HS6ST3: variants seen among roughly 807,000 people sequenced by gnomAD.
The protein encoded by HS6ST3 is heparan-sulfate 6-O-sulfotransferase 3.
A neutral mutation model predicts 36.7 loss-of-function variants in HS6ST3; 12 were observed. The observed-to-expected ratio is 0.33, with a 90% CI of 0.21 to 0.53. HS6ST3 has a LOEUF of 0.53. HS6ST3 is among the 20% of genes least tolerant of loss of function. The pLI, the probability that HS6ST3 is intolerant of heterozygous loss-of-function variation, is 0.95. For synonymous variants in HS6ST3, 240 were observed against 257.5 expected, an observed-to-expected ratio of 0.93 and a Z score of 0.65; for missense variants, 584 against 640.9, an observed-to-expected ratio of 0.91 and a Z score of 0.96.
intron 1 of HS6ST3, among the ~76,000 whole-genome samples, chr13:96,567,422 A>G (rs1032089783): frequency 7.2e-5 from 11 of 152,198 alleles, no homozygotes; most frequent in African/African-American, 2.7e-4. Flanking sequence ...ACTTCCCATC[A>G]GCAACATTGG....
At chr13:96,104,950 G>C (rs902566703) in intron 1 of HS6ST3, among the ~76,000 whole-genome samples, 1 of 151,370 alleles carries the variant, frequency 6.6e-6, no homozygotes, top group Non-Finnish European at 1.5e-5. Context: ...CTAAAACAAA[G>C]CCTGGGTATC....
intron 1 of HS6ST3, among the ~76,000 whole-genome samples, chr13:96,624,782 G>A (rs2056506512): frequency 6.6e-6 from 1 of 152,136 alleles, no homozygotes; most frequent in Admixed American, 6.5e-5. Flanking sequence ...TGTGTGGTTG[G>A]TGTATTAATC....
At chr13:96,596,362 TTGA>T (rs1429557518) in intron 1 of HS6ST3, among the ~76,000 whole-genome samples, 1 of 152,202 alleles carries the variant, frequency 6.6e-6, no homozygotes, top group Non-Finnish European at 1.5e-5. Context: ...AACTCATCAG[TTGA>T]TGAGCAGTTA....
Position 96,521,418 on chromosome 13 carries a change from A to G in HS6ST3, c.708-311072A>G, listed in dbSNP as rs755190253. On this transcript the variant is annotated intron_variant, in intron 1 of 1. Coordinates refer to ENST00000376705, the MANE Select transcript of HS6ST3 (RefSeq NM_153456.4). ...TTCTATTGATTGGAATAGTTTCAGAAGGAATGGTACCAGCTCCTCTTTGTA... is the reference window on the plus strand; with the variant it reads ...TTCTATTGATTGGAATAGTTTCAGAGGGAATGGTACCAGCTCCTCTTTGTA... Among the ~76,000 whole-genome samples the G allele has an allele frequency of 5.8e-4, 89 of 152,358 alleles. No homozygotes were observed. The Middle Eastern group carries it at 0.02, about 35-fold the overall frequency.
At chr13:96,576,558 G>T (rs2056321930) in intron 1 of HS6ST3, among the ~76,000 whole-genome samples, 2 of 152,134 alleles carry the variant, frequency 1.3e-5, no homozygotes, top group African/African-American at 4.8e-5. Context: ...AAAAAATATT[G>T]CTAAACTTTC....
chr13:96,444,451 T>C (rs2055688708), intron 1 of HS6ST3, among the ~76,000 whole-genome samples: 1 of 152,228 alleles, frequency 6.6e-6, no homozygotes, highest in Non-Finnish European at 1.5e-5. Flanking sequence ...TTAATTAACA[T>C]TTACTTAAAC....
intron 1 of HS6ST3, among the ~76,000 whole-genome samples, chr13:96,169,214 A>C (rs1263872226): frequency 6.6e-6 from 1 of 152,038 alleles, no homozygotes; most frequent in African/African-American, 2.4e-5. Context: ...ACTGAGGGTC[A>C]GAGAAATGGG....
intron 1 of HS6ST3, among the ~76,000 whole-genome samples, chr13:96,593,499 T>C (rs1332923393): frequency 6.6e-6 from 1 of 151,560 alleles, no homozygotes; most frequent in Non-Finnish European, 1.5e-5. Flanking sequence ...CCCAGCCAAC[T>C]GTGTATTTTC....
At chr13:96,232,585 C>T (rs1413330588) in intron 1 of HS6ST3, among the ~76,000 whole-genome samples, 4 of 152,010 alleles carry the variant, frequency 2.6e-5, no homozygotes, top group African/African-American at 9.7e-5. Flanking sequence ...CTGAGATAAG[C>T]TTGAAAAATC....
At chr13:96,487,847 T>C (rs1330589898) in intron 1 of HS6ST3, among the ~76,000 whole-genome samples, 1 of 152,166 alleles carries the variant, frequency 6.6e-6, no homozygotes, top group Non-Finnish European at 1.5e-5. Context: ...ACATTGATAA[T>C]GTAATGCATA....
chr13:96,733,535 G>T (rs1250402327), intron 1 of HS6ST3, among the ~76,000 whole-genome samples: 1 of 152,166 alleles, frequency 6.6e-6, no homozygotes, highest in African/African-American at 2.4e-5. Context: ...TCTTATTCCA[G>T]GTAGTGTTAT....
intron 1 of HS6ST3, among the ~76,000 whole-genome samples, chr13:96,511,700 G>A (rs1243233764): frequency 6.6e-6 from 1 of 151,476 alleles, no homozygotes; most frequent in African/African-American, 2.4e-5. Context: ...TTTGCACTTG[G>A]TGTCCTTAGG....
chr13:96,748,250 T>C (rs969494591), intron 1 of HS6ST3, among the ~76,000 whole-genome samples: 1 of 151,972 alleles, frequency 6.6e-6, no homozygotes, highest in Non-Finnish European at 1.5e-5. Context: ...TCTGCTTGGA[T>C]CCTGTGCCCT....
chr13:96,217,795 C>T (rs1407109373), intron 1 of HS6ST3, among the ~76,000 whole-genome samples: 1 of 151,964 alleles, frequency 6.6e-6, no homozygotes, highest in Non-Finnish European at 1.5e-5. Flanking sequence ...CATGCATATG[C>T]ATATACATGT....
chr13:96,282,108 C>G (rs1358670303), intron 1 of HS6ST3, among the ~76,000 whole-genome samples: 1 of 152,174 alleles, frequency 6.6e-6, no homozygotes, highest in Non-Finnish European at 1.5e-5. Context: ...GCCTTCACAT[C>G]TAATGTACCT....
At chr13:96,611,718 A>G (rs1272601660) in intron 1 of HS6ST3, among the ~76,000 whole-genome samples, 3 of 152,218 alleles carry the variant, frequency 2.0e-5, no homozygotes, top group Non-Finnish European at 4.4e-5. Flanking sequence ...AATGCATTCC[A>G]GGAAAAGGAA....
At chr13:96,768,633 A>G (rs763406225) in intron 1 of HS6ST3, among the ~76,000 whole-genome samples, 2 of 151,816 alleles carry the variant, frequency 1.3e-5, no homozygotes, top group Non-Finnish European at 2.9e-5. Context: ...GGAGAAACAG[A>G]CTCTTCACAC....
intron 1 of HS6ST3, among the ~76,000 whole-genome samples, chr13:96,293,974 G>A (rs1174887053): frequency 6.6e-6 from 1 of 152,084 alleles, no homozygotes; most frequent in African/African-American, 2.4e-5. Context: ...TCTTTAAATT[G>A]TAATTTAAGA....
chr13:96,177,037 C>T (rs985831160), intron 1 of HS6ST3, among the ~76,000 whole-genome samples: 2 of 152,152 alleles, frequency 1.3e-5, no homozygotes, highest in Admixed American at 6.5e-5. Flanking sequence ...TATCACTGAT[C>T]ATTAGAGAAA....
Sources: allele counts gnomAD v4.1 joint callset (sites outside exome capture counted in the v4.1 genomes callset), GRCh38; gene constraint gnomAD v4.1.1; transcripts MANE v1.5; gene names NCBI Gene and HGNC (gene_info 2026-07-23, HGNC 2026-07-21).